Variants in PIAS4 observed in about 807,000 individuals in gnomAD.
The protein encoded by PIAS4 is protein inhibitor of activated STAT 4, also known as E3 SUMO-protein ligase PIAS4.
In PIAS4, 7 loss-of-function variants were observed where a neutral mutation model predicts 58.0. The observed-to-expected ratio is 0.12, with a 90% CI of 0.07 to 0.23. The LOEUF is 0.23. Ranked by LOEUF, PIAS4 falls within the 10% of genes least tolerant of loss-of-function variation. PIAS4 has a pLI of 1.00. For missense variants in PIAS4, 550 were observed against 709.5 expected (o/e 0.78, Z 2.55); for synonymous variants, 364 against 312.4 (o/e 1.17, Z -1.74).
chr19:4,035,793 TCA>T (rs1555690152), intron 9 of PIAS4, among the ~76,000 whole-genome samples: 3 of 3,142 alleles, frequency 9.5e-4, no homozygotes, highest in Non-Finnish European at 1.6e-3. Flanking sequence ...GTCCATACCA[TCA>T]CACACACCCG....
chr19:4,023,852 G>T (rs897343682), intron 2 of PIAS4, among the ~76,000 whole-genome samples, 184 bp from the exon 3 acceptor site: 1 of 152,236 alleles, frequency 6.6e-6, no homozygotes, highest in Non-Finnish European at 1.5e-5. Flanking sequence ...CCCGAGAAGG[G>T]GATGGGCGGG....
In PIAS4 at chr19:4,028,597, C is replaced by G; in HGVS notation, c.669C>G (p.Val223=). Residue 223 remains valine, a synonymous_variant, in exon 5 of 11, where the codon GTC becomes GTG. Transcript: ENST00000262971. Reference sequence around the variant, plus strand: ...AGGTCAACCACAGCTACTGCTCCGTCCCGGTGAGCATGCCCCGCCCCCGCG... The same window carrying G: ...AGGTCAACCACAGCTACTGCTCCGTGCCGGTGAGCATGCCCCGCCCCCGCG... ...AVKVNHSYCS[V]PGYYPSNKPG... is the part of the protein sequence containing the mutation. 6.2e-7 allele frequency: 1 copy of G among 1,612,690 alleles called. No homozygotes were observed. The highest frequency in any genetic ancestry group is 8.5e-7 in the Non-Finnish European group (1 of 1,179,768).
Position 4,028,533 on chromosome 19 carries a change from G to T in PIAS4, c.605G>T (p.Cys202Phe), listed in dbSNP as rs1019470589. Residue 202 changes from cysteine to phenylalanine, a missense_variant, in exon 5 of 11, where the codon TGC becomes TTC. Transcript: ENST00000262971. ...AGAATCTGTTACTCAGACACCAGCT[G>T]CCCTCAGGAGGACCAGTACCCGCCC... Reference protein sequence around the residue: ...VLRICYSDTSCPQEDQYPPNI... With the variant: ...VLRICYSDTSFPQEDQYPPNI... 1 of 1,612,886 alleles carries T rather than the reference G, an allele frequency of 6.2e-7. No homozygotes were observed. Among genetic ancestry groups the T allele is most frequent in the Non-Finnish European group, 8.5e-7 (1 of 1,179,874 alleles).
At chr19:4,015,057 C>T (rs528832716) in intron 2 of PIAS4, among the ~76,000 whole-genome samples, 14 of 152,328 alleles carry the variant, frequency 9.2e-5, no homozygotes, top group African/African-American at 3.4e-4. Context: ...TAGCAGCAGC[C>T]TCCTGGGGAG....
At chr19:4,019,846 T>G (rs528573623) in intron 2 of PIAS4, among the ~76,000 whole-genome samples, 1 of 151,958 alleles carries the variant, frequency 6.6e-6, no homozygotes, top group East Asian at 1.9e-4. Context: ...CAGGTCAACA[T>G]GGGCGGGACG....
rs370976817 is a variant in PIAS4, at chr19:4,038,808, GCT to G, written c.*937_*938del. 5.9e-4 allele frequency: 91 copies of G among 153,534 alleles called. 1 individual carries two copies. The East Asian group carries it at 0.015, about 25-fold the overall frequency. 9.5% of individuals were successfully genotyped at this position (153,534 alleles called of 1,614,324 possible). On this transcript the variant is annotated 3_prime_UTR_variant, in exon 11 of 11. Transcript: ENST00000262971. The surrounding 1 kb of genome is among the most constrained non-coding windows in gnomAD (Gnocchi z 4.1). ...GGCAGCAGGGACCCCGGCCACCCCG[GCT>G]CTCGGTTTGGGTTGATTCCTCTCCT...
chr19:4,028,461 C>T, intron 4 of PIAS4, 49 bp from the exon 5 acceptor site: 1 of 1,385,104 alleles, frequency 7.2e-7, no homozygotes, highest in South Asian at 1.2e-5. Flanking sequence ...GCAGCCTAGT[C>T]CCTCCTGTGC....
Position 4,037,933 on chromosome 19 carries a change from C to T in PIAS4, c.*58C>T, listed in dbSNP as rs2040319085. On this transcript the variant is annotated 3_prime_UTR_variant, in exon 11 of 11. Coordinates refer to ENST00000262971, the MANE Select transcript of PIAS4 (RefSeq NM_015897.4). This position sits in a 1 kb window ranked among gnomAD's most constrained non-coding sequence, Gnocchi z 5.8. The stretch of plus-strand genomic sequence containing the variant: ...ACCACGCAGAGGGGCACGGGCCAGC[C>T]TCGGGCGCAGAGGGAGGAGTGACCT... The T allele has an allele frequency of 1.5e-5, 22 of 1,515,526 alleles. No homozygotes were observed. The South Asian group carries it at 1.5e-4, about 10-fold the overall frequency. 93.9% of individuals were successfully genotyped at this position (1,515,526 alleles called of 1,614,324 possible).
rs368628560 is a variant in PIAS4, at chr19:4,028,969, C to T, written c.840C>T (p.Thr280=). 9 of 1,611,378 alleles carry T rather than the reference C, an allele frequency of 5.6e-6. No individual in the cohort carries two copies. The African/African-American group carries it at 1.1e-4, about 19-fold the overall frequency. ...SVALYLVRQL[T]SSELLQRLKT... Reference sequence around the variant, plus strand: ...CCCTGTACCTGGTGCGGCAGCTGACCTCATCGGAGCTGCTGCAGAGGCTGA... The same window carrying T: ...CCCTGTACCTGGTGCGGCAGCTGACTTCATCGGAGCTGCTGCAGAGGCTGA... The change falls in exon 7 of 11, where the codon ACC becomes ACT. Residue 280 remains threonine (T), a synonymous_variant. Transcript: ENST00000262971.
chr19:4,037,933 C>CCT lies in PIAS4; in HGVS notation c.*58_*59insCT. The CCT allele has an allele frequency of 6.6e-7, 1 of 1,515,644 alleles. No individual in the cohort carries two copies. Among genetic ancestry groups the CCT allele is most frequent in the Admixed American group, 2.3e-5 (1 of 44,234 alleles). 93.9% of individuals were successfully genotyped at this position (1,515,644 alleles called of 1,614,324 possible). Reference sequence around the variant, plus strand: ...ACCACGCAGAGGGGCACGGGCCAGCCTCGGGCGCAGAGGGAGGAGTGACCT... The same window carrying CCT: ...ACCACGCAGAGGGGCACGGGCCAGCCCTTCGGGCGCAGAGGGAGGAGTGACCT... On this transcript the variant is annotated 3_prime_UTR_variant, in exon 11 of 11. Transcript: ENST00000262971. This position sits in a 1 kb window ranked among gnomAD's most constrained non-coding sequence, Gnocchi z 5.8.
intron 7 of PIAS4, 140 bp downstream of exon 7, chr19:4,029,176 C>T (rs571397332): frequency 3.6e-5 from 23 of 646,896 alleles, no homozygotes; most frequent in South Asian, 7.4e-5. Flanking sequence ...CATGGCCCCC[C>T]GGCTGTGGCT....
intron 9 of PIAS4, among the ~76,000 whole-genome samples, chr19:4,034,872 G>C (rs1473751835): frequency 6.6e-6 from 1 of 152,206 alleles, no homozygotes; most frequent in African/African-American, 2.4e-5. Flanking sequence ...TCACCTCTCT[G>C]TCCCTGGCTC....
intron 9 of PIAS4, among the ~76,000 whole-genome samples, chr19:4,033,956 C>T (rs2040250417): frequency 1.3e-5 from 2 of 152,138 alleles, no homozygotes; most frequent in African/African-American, 4.8e-5. Flanking sequence ...GGGGTGACCT[C>T]CTCACAGAAA....
At chr19:4,011,603 G>C (rs2039992846) in intron 1 of PIAS4, among the ~76,000 whole-genome samples, 1 of 152,224 alleles carries the variant, frequency 6.6e-6, no homozygotes, top group African/African-American at 2.4e-5. Context: ...CCTTGGACCG[G>C]TCCCCCAGGG....
chr19:4,031,101 C>T lies in PIAS4; in HGVS notation c.908-1999C>T, dbSNP rs189737817. On this transcript the variant is annotated intron_variant, in intron 7 of 10. Coordinates refer to ENST00000262971, the MANE Select transcript of PIAS4 (RefSeq NM_015897.4). ...CTTCCAGCTGCCCCTCCTAGCTGCC[C>T]AGGCCCCTGTGCCCAGGCCAGAGAG... 1.3e-4 allele frequency among the ~76,000 whole-genome samples: 20 copies of T among 152,248 alleles called. 1 individual carries two copies. The East Asian group carries it at 3.7e-3, about 28-fold the overall frequency.
intron 3 of PIAS4, among the ~76,000 whole-genome samples, chr19:4,024,922 CG>C (rs1262252700): frequency 2.0e-5 from 3 of 152,188 alleles, no homozygotes; most frequent in African/African-American, 7.2e-5. Flanking sequence ...CTCACTACCA[CG>C]CCCGGCTAAT....
At chr19:4,028,444 C>A in intron 4 of PIAS4, 66 bp from the exon 5 acceptor site, 2 of 1,199,076 alleles carry the variant, frequency 1.7e-6, no homozygotes, top group Non-Finnish European at 2.4e-6. Flanking sequence ...ACTCGTGTAC[C>A]CCCGCAGCAG....
intron 1 of PIAS4, among the ~76,000 whole-genome samples, chr19:4,008,293 C>T (rs2039962317): frequency 6.6e-6 from 1 of 152,142 alleles, no homozygotes; most frequent in Non-Finnish European, 1.5e-5. Context: ...TTGCGAGTCT[C>T]CTGCTCGGAA....
chr19:4,020,553 A>G (rs2040099061), intron 2 of PIAS4, among the ~76,000 whole-genome samples: 2 of 152,176 alleles, frequency 1.3e-5, no homozygotes, highest in Admixed American at 6.5e-5. Context: ...GTTTACTCAG[A>G]TGCCTTCTCT....
Sources: allele counts gnomAD v4.1 joint callset (sites outside exome capture counted in the v4.1 genomes callset), GRCh38; gene constraint gnomAD v4.1.1; non-coding constraint Gnocchi (gnomAD v3.1); transcripts MANE v1.5; gene names NCBI Gene and HGNC (gene_info 2026-07-23, HGNC 2026-07-21).